Variants in PUS7 observed in about 807,000 individuals in gnomAD.
PUS7 encodes pseudouridylate synthase 7 homolog.
A neutral mutation model predicts 79.8 loss-of-function variants in PUS7; 48 were observed. The observed-to-expected ratio is 0.60, with a 90% CI of 0.48 to 0.76. The LOEUF (loss-of-function observed/expected upper bound fraction) is 0.76, where lower values mean the gene tolerates loss of function less well. PUS7 is among the 30% of genes least tolerant of loss of function. The pLI is 0.00. For missense variants in PUS7, 729 were observed against 797.6 expected (o/e 0.91, Z 1.04); for synonymous variants, 286 against 272.2 (o/e 1.05, Z -0.50).
In PUS7 at chr7:105,456,571, TATTAC is replaced by T. The variant is rs1401135782; in HGVS notation, c.*1214_*1218del. On this transcript the variant is annotated 3_prime_UTR_variant, in exon 16 of 16. Transcript: ENST00000469408. ...GTAGAAAGGAGATTTTAAAAATATT[TATTAC>T]ATTTGTTTCTAGAAATCATAGAAAA... 5.3e-5 allele frequency: 8 copies of T among 152,202 alleles called. No individual in the cohort carries two copies. The highest frequency in any genetic ancestry group is 2.1e-4 in the South Asian group (1 of 4,832). The allele number at this position is 152,202 out of a possible 1,614,324, so 9.4% of individuals were successfully genotyped here.
At chr7:105,465,849 A>C (rs1377459070) in intron 12 of PUS7, among the ~76,000 whole-genome samples, 1 of 149,996 alleles carries the variant, frequency 6.7e-6, no homozygotes, top group Non-Finnish European at 1.5e-5. Flanking sequence ...AAAAAGAAAG[A>C]AAAAAAGGAA....
intron 1 of PUS7, among the ~76,000 whole-genome samples, chr7:105,513,832 C>T (rs1302863009): frequency 7.8e-6 from 1 of 128,794 alleles, no homozygotes. Flanking sequence ...AGCAAGACTC[C>T]GTCTCAAAAA....
intron 1 of PUS7, among the ~76,000 whole-genome samples, chr7:105,512,246 G>A (rs1272462175): frequency 6.6e-6 from 1 of 151,106 alleles, no homozygotes; most frequent in Non-Finnish European, 1.5e-5. Context: ...GACCACAACT[G>A]TAGTTACATA....
In PUS7 at chr7:105,518,782, T is replaced by C. The variant is rs1476947852; in HGVS notation, c.-33+3270A>G. Among the ~76,000 whole-genome samples, 4 of 151,994 alleles carry C rather than the reference T, an allele frequency of 2.6e-5. No homozygotes were observed. In the East Asian group the frequency reaches 7.7e-4, roughly 29 times the overall value. ...TTATTTTTTATTTTATTTTGTATATTTTTTGAGACGGAGTCTCACTCTATT... is the reference window on the plus strand; with the variant it reads ...TTATTTTTTATTTTATTTTGTATATCTTTTGAGACGGAGTCTCACTCTATT... On this transcript the variant is annotated intron_variant, in intron 1 of 15. Coordinates refer to ENST00000469408, the MANE Select transcript of PUS7 (RefSeq NM_019042.5).
At chr7:105,502,656 A>G in intron 4 of PUS7, 92 bp from the exon 5 acceptor site, 1 of 1,355,940 alleles carries the variant, frequency 7.4e-7, no homozygotes, top group Non-Finnish European at 1.0e-6. Context: ...TGCTCACCTT[A>G]TTAACTACGC....
rs763068819 is a variant in PUS7 at position 105,465,331 on chromosome 7, T to C, written c.1609A>G (p.Ile537Val). The C allele has an allele frequency of 6.2e-7, 1 of 1,611,452 alleles. No homozygotes were observed. Among genetic ancestry groups the C allele is most frequent in the South Asian group, 1.1e-5 (1 of 90,998 alleles). ...AACTTACTTTTATGCTTTGGGTAGA[T>C]AACATCGAAACCAGGCAAGGGCATT... is the stretch of plus-strand genomic sequence containing the variant. ...VVMPLPGFDV[I>V]YPKHKIQEAY... Residue 537 changes from isoleucine to valine, a missense_variant, in exon 13 of 16, where the codon ATC (isoleucine) becomes GTC (valine). Ile to Val is a conservative substitution (Grantham distance 29). Transcript: ENST00000469408.
At chr7:105,475,059 C>T (rs904841210) in intron 9 of PUS7, among the ~76,000 whole-genome samples, 3 of 152,180 alleles carry the variant, frequency 2.0e-5, no homozygotes, top group Admixed American at 1.3e-4. Flanking sequence ...TTCTTAACTG[C>T]AGGACTTTTC....
chr7:105,519,237 AT>A (rs55829105), intron 1 of PUS7, among the ~76,000 whole-genome samples: 79 of 142,506 alleles, frequency 5.5e-4, no homozygotes, highest in Middle Eastern at 3.8e-3. Context: ...GAACACACTA[AT>A]TTTTTTTTTT....
intron 7 of PUS7, among the ~76,000 whole-genome samples, chr7:105,483,043 T>C (rs1022712757): frequency 3.3e-5 from 5 of 152,244 alleles, no homozygotes; most frequent in Non-Finnish European, 5.9e-5. Context: ...GCTATCAATA[T>C]ATAGAAATTT....
chr7:105,522,258 G>T lies in PUS7; in HGVS notation c.-239C>A, dbSNP rs1204898653. ...TCGCACACGTGCGGCGCAGCGACGC[G>T]CCGCGGCCCGACTGGACCCGCCCCG... On this transcript the variant is annotated 5_prime_UTR_variant, in exon 1 of 16. Transcript: ENST00000469408. 5 of 151,756 alleles carry T rather than the reference G, an allele frequency of 3.3e-5. No homozygotes were observed. Among genetic ancestry groups the T allele is most frequent in the African/African-American group, 9.7e-5 (4 of 41,386 alleles). 9.4% of individuals were successfully genotyped at this position (151,756 alleles called of 1,614,324 possible). A position where few individuals can be genotyped will look rare whatever the true frequency, so the allele number is the denominator to read the frequency against.
intron 2 of PUS7, among the ~76,000 whole-genome samples, chr7:105,507,204 C>T (rs973269297): frequency 2.6e-5 from 4 of 151,940 alleles, no homozygotes; most frequent in Admixed American, 2.6e-4. Context: ...TGCCACTACG[C>T]CAGGCTAATT....
chr7:105,511,775 G>A (rs956002222), intron 1 of PUS7, among the ~76,000 whole-genome samples: 5 of 151,398 alleles, frequency 3.3e-5, no homozygotes, highest in Non-Finnish European at 4.4e-5. Flanking sequence ...AAAACAAAAC[G>A]AACAAAACAA....
At position 105,459,271 on chromosome 7, in the gene PUS7, AT is replaced by A. The variant is rs1823318102; in HGVS notation, c.1758-13del. On this transcript the variant is annotated splice_polypyrimidine_tract_variant and intron_variant, in intron 14 of 15. Transcript: ENST00000469408. ...ATGCAACGACTTCCCTTCAAAACAT[AT>A]GAATAAAGATAAGTGTGAATGTGAA... 1 of 1,564,468 alleles carries A rather than the reference AT, an allele frequency of 6.4e-7. No individual in the cohort carries two copies. The highest frequency in any genetic ancestry group is 2.2e-5 in the East Asian group (1 of 44,596).
chr7:105,498,918 C>T (rs1306366582), intron 5 of PUS7, among the ~76,000 whole-genome samples: 1 of 152,196 alleles, frequency 6.6e-6, no homozygotes, highest in Non-Finnish European at 1.5e-5. Context: ...TGAGCCACTG[C>T]GCCTGGCCCT....
chr7:105,466,468 G>A (rs557073565), intron 12 of PUS7, among the ~76,000 whole-genome samples: 1 of 152,036 alleles, frequency 6.6e-6, no homozygotes, highest in African/African-American at 2.4e-5. Flanking sequence ...GCCCTGGCTG[G>A]TCTTGAACTC....
At chr7:105,476,821 T>A (rs1446673564) in intron 9 of PUS7, among the ~76,000 whole-genome samples, 1 of 152,236 alleles carries the variant, frequency 6.6e-6, no homozygotes, top group Middle Eastern at 3.2e-3. Context: ...AAGTGGTACC[T>A]CGTGGTGGTT....
chr7:105,495,130 A>G lies in PUS7; in HGVS notation c.842+12T>C. ...GCTTTGATTTTGTATAGGCATAACA[A>G]CAGTAACTCACCTTAAGTATTTGGA... On this transcript the variant is annotated intron_variant, in intron 6 of 15. Coordinates refer to ENST00000469408, the MANE Select transcript of PUS7 (RefSeq NM_019042.5). The G allele has an allele frequency of 1.4e-6, 2 of 1,479,048 alleles. No individual in the cohort carries two copies. Among genetic ancestry groups the G allele is most frequent in the Non-Finnish European group, 1.9e-6 (2 of 1,067,148 alleles). The allele number at this position is 1,479,048 out of a possible 1,614,324, so 91.6% of individuals were successfully genotyped here. A position where few individuals can be genotyped will look rare whatever the true frequency, so the allele number is the denominator to read the frequency against.
intron 1 of PUS7, 127 bp from the exon 2 acceptor site, chr7:105,508,671 G>A (rs922689658): frequency 1.8e-5 from 23 of 1,256,850 alleles, no homozygotes; most frequent in Non-Finnish European, 2.4e-5. Flanking sequence ...CTTGAGGTCA[G>A]GAGTTCAAGA....
chr7:105,486,849 G>C (rs1824570266), intron 7 of PUS7, among the ~76,000 whole-genome samples: 1 of 151,734 alleles, frequency 6.6e-6, no homozygotes, highest in Non-Finnish European at 1.5e-5. Context: ...TGCTTGAGAT[G>C]AGGAGTTCGA....
Sources: allele counts gnomAD v4.1 joint callset (sites outside exome capture counted in the v4.1 genomes callset), GRCh38; gene constraint gnomAD v4.1.1; transcripts MANE v1.5; gene names NCBI Gene and HGNC (gene_info 2026-07-23, HGNC 2026-07-21).